CSMD2: variants seen among roughly 807,000 people sequenced by gnomAD.
CSMD2 encodes the protein CUB and Sushi multiple domains 2, also known as CUB and sushi domain-containing protein 2.
A neutral mutation model predicts 398.5 loss-of-function variants in CSMD2; 130 were observed. The observed-to-expected ratio is 0.33, with a 90% CI of 0.28 to 0.38. CSMD2 has a LOEUF of 0.38. Among genes scored for constraint, CSMD2 ranks in the 10% least tolerant of loss-of-function variants. The probability of loss-of-function intolerance (pLI) is 1.00; values close to 1 mark genes in which losing one functional copy is unlikely to be tolerated. For synonymous variants in CSMD2, 1,828 were observed against 1,908.5 expected, an observed-to-expected ratio of 0.96 and a Z score of 1.10; for missense variants, 3,829 against 4,764.9, an observed-to-expected ratio of 0.80 and a Z score of 5.78.
intron 4 of CSMD2, among the ~76,000 whole-genome samples, chr1:33,933,011 A>T (rs957048646): frequency 1.8e-4 from 27 of 152,186 alleles, no homozygotes; most frequent in African/African-American, 6.0e-4. Flanking sequence ...AGCCAGGGAG[A>T]AGCTTCCCGG....
intron 8 of CSMD2, among the ~76,000 whole-genome samples, chr1:33,820,167 C>T (rs1657944969): frequency 6.6e-6 from 1 of 152,142 alleles, no homozygotes; most frequent in Admixed American, 6.5e-5. Flanking sequence ...TAGATTATTG[C>T]AGGCGCGAGT....
At chr1:34,142,116 T>C (rs1571249237) in intron 1 of CSMD2, among the ~76,000 whole-genome samples, 1 of 152,304 alleles carries the variant, frequency 6.6e-6, no homozygotes, top group Non-Finnish European at 1.5e-5. Flanking sequence ...CCATACATGT[T>C]TGCTGCATGT....
chr1:33,714,905 C>A (rs547190478), intron 20 of CSMD2, 130 bp from the exon 21 acceptor site: 11 of 835,756 alleles, frequency 1.3e-5, no homozygotes, highest in African/African-American at 1.2e-4. Flanking sequence ...AGAGGGCATG[C>A]GCACACTGGC....
At position 33,743,683 on chromosome 1, in the gene CSMD2, C is replaced by T. The variant is rs535962821; in HGVS notation, c.1847-77G>A. The T allele has an allele frequency of 3.3e-5, 35 of 1,056,942 alleles. No homozygotes were observed. In the African/African-American group the frequency reaches 4.8e-4, roughly 14 times the overall value. 65.5% of individuals were successfully genotyped at this position (1,056,942 alleles called of 1,614,324 possible). On this transcript the variant is annotated intron_variant, in intron 13 of 70. Coordinates refer to ENST00000373381, the MANE Select transcript of CSMD2 (RefSeq NM_001281956.2). ...CACCACTGAGGGCTGGCAGGGGGAA[C>T]ATCTTCTTAGTCTAAAAAGCAACAG...
chr1:34,131,965 A>G (rs1016777539), intron 1 of CSMD2, among the ~76,000 whole-genome samples: 6 of 152,062 alleles, frequency 3.9e-5, no homozygotes, highest in Admixed American at 6.5e-5. Flanking sequence ...TCAGCTTCCC[A>G]AGAGACAAGA....
intron 29 of CSMD2, among the ~76,000 whole-genome samples, chr1:33,645,213 T>A (rs555509460): frequency 1.3e-5 from 2 of 152,148 alleles, no homozygotes; most frequent in East Asian, 3.9e-4. Flanking sequence ...AATTTTTAAT[T>A]TTAGCTGGTA....
At chr1:33,963,059 G>C (rs55960141) in intron 3 of CSMD2, among the ~76,000 whole-genome samples, 4 of 152,218 alleles carry the variant, frequency 2.6e-5, no homozygotes, top group African/African-American at 9.6e-5. Context: ...ACCTGCCTGA[G>C]AGTGCAGATC....
chr1:33,557,820 C>T lies in CSMD2; in HGVS notation c.8657G>A (p.Cys2886Tyr), dbSNP rs1658175447. 6.5e-7 allele frequency: 1 copy of T among 1,536,112 alleles called. No individual in the cohort carries two copies. Residue 2886 changes from cysteine (C) to tyrosine (Y), a missense_variant, in exon 55 of 71, where the codon TGC becomes TAC. By Grantham distance (194) the Cys-to-Tyr change is radical. Around this residue, in one of 5 missense-constraint regions of CSMD2, gnomAD observed 917 missense variants for 1,199.5 expected, o/e 0.76. Coordinates refer to ENST00000373381, the MANE Select transcript of CSMD2 (RefSeq NM_001281956.2). ...FSFGTTVSYRCNHGFYLLGTP... is the reference protein window; with the variant it reads ...FSFGTTVSYRYNHGFYLLGTP... Reference sequence around the variant, plus strand: ...GCCCAGGAGGTAGAAGCCGTGGTTGCACCGGTAAGACACAGTGGTGCCGAA... The same window carrying T: ...GCCCAGGAGGTAGAAGCCGTGGTTGTACCGGTAAGACACAGTGGTGCCGAA...
chr1:33,620,923 A>C (rs1166351814), intron 37 of CSMD2, among the ~76,000 whole-genome samples: 1 of 151,146 alleles, frequency 6.6e-6, no homozygotes, highest in Admixed American at 6.6e-5. Flanking sequence ...TTTGTTTCAC[A>C]GACCCAGATG....
At chr1:33,662,012 G>A (rs1194796027) in intron 26 of CSMD2, among the ~76,000 whole-genome samples, 4 of 145,140 alleles carry the variant, frequency 2.8e-5, no homozygotes, top group South Asian at 2.4e-4. Context: ...AGCAGAAACC[G>A]AAGCAGAGTC....
intron 24 of CSMD2, among the ~76,000 whole-genome samples, chr1:33,695,379 A>C (rs1645387090): frequency 6.6e-6 from 1 of 152,128 alleles, no homozygotes; most frequent in Admixed American, 6.5e-5. Flanking sequence ...GCATGTTAGG[A>C]GGAGTCACTG....
At chr1:33,903,179 A>G (rs534840413) in intron 5 of CSMD2, among the ~76,000 whole-genome samples, 63 of 152,184 alleles carry the variant, frequency 4.1e-4, no homozygotes, top group Non-Finnish European at 7.5e-4. Flanking sequence ...ACACATTTCT[A>G]TTTCTGTGCT....
chr1:33,637,561 CT>C (rs1390793085), intron 29 of CSMD2, among the ~76,000 whole-genome samples: 12 of 152,296 alleles, frequency 7.9e-5, no homozygotes, highest in African/African-American at 2.9e-4. Flanking sequence ...CATGCTCACG[CT>C]TCTATGCATG....
In CSMD2 at chr1:33,825,695, A is replaced by T; in HGVS notation, c.1111+2T>A. ...CAGGCGGGCTGGCGGGCGGACACTT[A>T]CACACAGACGTCTTCTGGCTGTTGT... On this transcript the variant is annotated splice_donor_variant, in intron 7 of 70. Coordinates refer to ENST00000373381, the MANE Select transcript of CSMD2 (RefSeq NM_001281956.2). LOFTEE classifies it high-confidence loss of function. The T allele has an allele frequency of 6.2e-7, 1 of 1,605,072 alleles. No individual in the cohort carries two copies. Among genetic ancestry groups the T allele is most frequent in the Non-Finnish European group, 8.5e-7 (1 of 1,175,880 alleles).
intron 6 of CSMD2, chr1:33,839,368 G>A (rs1257207760): frequency 1.3e-5 from 2 of 152,314 alleles, no homozygotes; most frequent in Non-Finnish European, 2.9e-5. Context: ...AAAACTCCAG[G>A]CTTTGGTGAC....
rs59068586 is a variant in CSMD2 at position 33,581,529 on chromosome 1, CAAAAAAAAAAAAAA to C, written c.7241-644_7241-631del. ...TGGGTGACAGAGAAAGACTCAGTCT[CAAAAAAAAAAAAAA>C]AAAAAAAAAAAGAAAAGAAAAAAAG... On this transcript the variant is annotated intron_variant, in intron 47 of 70. Transcript: ENST00000373381. Among the ~76,000 whole-genome samples, 3 of 36,876 alleles carry C rather than the reference CAAAAAAAAAAAAAA, an allele frequency of 8.1e-5. No homozygotes were observed. In the East Asian group the frequency reaches 3.9e-3, roughly 48 times the overall value. The allele number at this position is 36,876 out of a possible 152,430, so 24.2% of individuals were successfully genotyped here. A position where few individuals can be genotyped will look rare whatever the true frequency, so the allele number is the denominator to read the frequency against.
At chr1:33,997,337 TCCTGCGGGTC>T (rs1570758015) in intron 3 of CSMD2, among the ~76,000 whole-genome samples, 3 of 152,332 alleles carry the variant, frequency 2.0e-5, no homozygotes, top group Non-Finnish European at 4.4e-5. Flanking sequence ...CAGGTATGTC[TCCTGCGGGTC>T]CCTGCGGGTG....
rs77550035 is a variant in CSMD2 at position 33,788,852 on chromosome 1, T to C, written c.1551-140A>G. The C allele has an allele frequency of 1.3e-5, 8 of 614,766 alleles. No homozygotes were observed. In the East Asian group the frequency reaches 2.2e-4, roughly 17 times the overall value. The allele number at this position is 614,766 out of a possible 1,614,324, so 38.1% of individuals were successfully genotyped here. On this transcript the variant is annotated intron_variant, in intron 11 of 70. Coordinates refer to ENST00000373381, the MANE Select transcript of CSMD2 (RefSeq NM_001281956.2). ...TTCTGGGCCCCACTGTGTTTCTGAC[T>C]CTGGAGCCCAGCAGCATGCTCTCCC...
intron 1 of CSMD2, among the ~76,000 whole-genome samples, chr1:34,141,784 AT>A (rs2148526951): frequency 6.6e-6 from 1 of 152,280 alleles, no homozygotes; most frequent in Admixed American, 6.5e-5. Flanking sequence ...TTGGAGGAAA[AT>A]GGAAATAGGC....
Sources: allele counts gnomAD v4.1 joint callset (sites outside exome capture counted in the v4.1 genomes callset), GRCh38; gene constraint gnomAD v4.1.1; regional missense constraint gnomAD v4.1.1; transcripts MANE v1.5; gene names NCBI Gene and HGNC (gene_info 2026-07-23, HGNC 2026-07-21).